The following CIAO2A variants were observed in gnomAD, a reference collection of about 807,000 sequenced individuals.
CIAO2A encodes the protein MIP18 family protein FAM96A.
In CIAO2A, 17 loss-of-function variants were observed where a neutral mutation model predicts 22.4. The ratio of observed to expected loss-of-function variants is 0.76; its 90% confidence interval spans 0.52 to 1.14. The LOEUF (loss-of-function observed/expected upper bound fraction) is 1.14, where lower values mean the gene tolerates loss of function less well. Ranked by LOEUF, CIAO2A falls within the 50% of genes most tolerant of loss-of-function variation. The probability of loss-of-function intolerance (pLI) is 0.00; values close to 1 mark genes in which losing one functional copy is unlikely to be tolerated. For synonymous variants in CIAO2A, 74 were observed against 72.3 expected (o/e 1.02, Z -0.12); for missense variants, 192 against 191.4 (o/e 1.00, Z -0.02).
intron 3 of CIAO2A, among the ~76,000 whole-genome samples, chr15:64,076,855 C>A (rs1158694125): frequency 6.6e-6 from 1 of 151,742 alleles, no homozygotes; most frequent in African/African-American, 2.4e-5. Flanking sequence ...TCCCACACTC[C>A]CACCCCTCTC....
chr15:64,082,931 GTGGCTCA>G (rs1474378230), intron 2 of CIAO2A, among the ~76,000 whole-genome samples: 1 of 152,088 alleles, frequency 6.6e-6, no homozygotes, highest in African/African-American at 2.4e-5. Flanking sequence ...GCTGGGCAAG[GTGGCTCA>G]TGCCTGTAAT....
chr15:64,072,932 C>G lies in CIAO2A; in HGVS notation c.482G>C (p.Ter161SerextTer1). 1 of 1,603,712 alleles carries G rather than the reference C, an allele frequency of 6.2e-7. No homozygotes were observed. Among genetic ancestry groups the G allele is most frequent in the Non-Finnish European group, 8.5e-7 (1 of 1,171,434 alleles). The stretch of plus-strand genomic sequence containing the variant: ...GGCCAGTGGCTCTTAAAACAGCTAT[C>G]AGTCAGGTTCAAGGACACACTGTTC... ...IVEQCVLEPD[*>S] Residue 161 changes from the stop codon to serine, a stop_lost, in exon 5 of 5, where the codon TGA (stop) becomes TCA (serine). Coordinates refer to ENST00000300030, the MANE Select transcript of CIAO2A (RefSeq NM_032231.7).
intron 1 of CIAO2A, among the ~76,000 whole-genome samples, chr15:64,089,647 C>T (rs77522123): frequency 0.044 from 6,714 of 152,218 alleles, 165 homozygotes; most frequent in South Asian, 0.081. Flanking sequence ...AGCCAGCTAC[C>T]GGCAATAGCA....
intron 1 of CIAO2A, chr15:64,090,251 G>C (rs2080829904): frequency 5.9e-6 from 1 of 169,646 alleles, no homozygotes; most frequent in South Asian, 1.1e-4. Context: ...ACTGAGGCAG[G>C]AGAATCACTT....
chr15:64,082,570 G>C (rs1040035013), intron 2 of CIAO2A, among the ~76,000 whole-genome samples: 1 of 152,078 alleles, frequency 6.6e-6, no homozygotes, highest in Non-Finnish European at 1.5e-5. Context: ...AAATATTAGA[G>C]AATTCTAAAG....
chr15:64,091,547 G>A (rs1220687016), intron 1 of CIAO2A, among the ~76,000 whole-genome samples: 1 of 151,758 alleles, frequency 6.6e-6, no homozygotes, highest in Non-Finnish European at 1.5e-5. Context: ...AGTCGACAAA[G>A]CTTCTCTTTC....
At chr15:64,088,370 A>C (rs1296712486) in intron 2 of CIAO2A, among the ~76,000 whole-genome samples, 3 of 152,196 alleles carry the variant, frequency 2.0e-5, no homozygotes, top group African/African-American at 4.8e-5. Flanking sequence ...ACATAACTAA[A>C]GGAGAAGTGG....
chr15:64,075,831 T>C (rs77833040), intron 3 of CIAO2A, among the ~76,000 whole-genome samples: 39 of 145,330 alleles, frequency 2.7e-4, no homozygotes, highest in Admixed American at 6.9e-4. Context: ...TGTATTATTA[T>C]TTTTTTTTTT....
At chr15:64,082,668 C>G (rs988229094) in intron 2 of CIAO2A, among the ~76,000 whole-genome samples, 1 of 152,196 alleles carries the variant, frequency 6.6e-6, no homozygotes, top group Admixed American at 6.5e-5. Context: ...CTGGCCCCAC[C>G]ATTGTCTCCT....
chr15:64,089,815 A>G (rs576281591), intron 1 of CIAO2A, among the ~76,000 whole-genome samples: 93 of 152,362 alleles, frequency 6.1e-4, no homozygotes, highest in African/African-American at 2.2e-3. Context: ...TGGCAGAACT[A>G]AAAGAAACAG....
At chr15:64,087,408 T>C (rs2080806516) in intron 2 of CIAO2A, among the ~76,000 whole-genome samples, 1 of 152,024 alleles carries the variant, frequency 6.6e-6, no homozygotes, top group Non-Finnish European at 1.5e-5. Context: ...GTATTTTTTT[T>C]AGTGGAGATG....
rs1424826207 is a variant in CIAO2A, at chr15:64,081,103, T to G, written c.338A>C (p.Lys113Thr). 1 of 1,612,896 alleles carries G rather than the reference T, an allele frequency of 6.2e-7. No homozygotes were observed. Among genetic ancestry groups the G allele is most frequent in the Admixed American group, 1.7e-5 (1 of 59,774 alleles). ...KLQRCLPFKHKLEIYISEGTH... is the reference protein window; with the variant it reads ...KLQRCLPFKHTLEIYISEGTH... ...ACAACAAAAATACATCTTTCTTACC[T>G]TATGTTTAAATGGTAAACATCGCTG... Residue 113 changes from lysine (K) to threonine (T), a missense_variant and splice_region_variant, in exon 3 of 5, where the codon AAG (lysine) becomes ACG (threonine). Transcript: ENST00000300030.
chr15:64,082,169 A>G (rs1010832843), intron 2 of CIAO2A, among the ~76,000 whole-genome samples: 3 of 152,218 alleles, frequency 2.0e-5, no homozygotes, highest in Admixed American at 6.5e-5. Flanking sequence ...GAAAAATCCC[A>G]AAACAGGGAA....
chr15:64,079,140 TA>T lies in CIAO2A; in HGVS notation c.339+1961del, dbSNP rs376406917. ...AGTATGGAAAGGTGAATACAAAAAA[TA>T]AAAAAAAAAATTTAAAAGATAAATA... On this transcript the variant is annotated intron_variant, in intron 3 of 4. Coordinates refer to ENST00000300030, the MANE Select transcript of CIAO2A (RefSeq NM_032231.7). Among the ~76,000 whole-genome samples the T allele has an allele frequency of 1.1e-3, 154 of 141,688 alleles. 2 individuals are homozygous for T. In the East Asian group the frequency reaches 0.016, roughly 15 times the overall value. The allele number at this position is 141,688 out of a possible 152,430, so 93.0% of individuals were successfully genotyped here. A position where few individuals can be genotyped will look rare whatever the true frequency, so the allele number is the denominator to read the frequency against.
intron 3 of CIAO2A, among the ~76,000 whole-genome samples, chr15:64,076,018 TAA>T (rs928770187): frequency 2.1e-5 from 3 of 142,266 alleles, no homozygotes; most frequent in African/African-American, 2.6e-5. Flanking sequence ...CATCCTTCTC[TAA>T]AAAAAAAAAG....
chr15:64,073,060 G>A (rs755597026), intron 4 of CIAO2A, 32 bp from the exon 5 acceptor site: 72 of 1,470,906 alleles, frequency 4.9e-5, no homozygotes, highest in South Asian at 1.0e-4. Context: ...GTTAGCAGAA[G>A]AACTGTGTCA....
Position 64,093,494 on chromosome 15 carries a change from C to A in CIAO2A, c.124+151G>T, listed in dbSNP as rs947794189. 5 of 912,290 alleles carry A rather than the reference C, an allele frequency of 5.5e-6. No homozygotes were observed. The Admixed American group carries it at 8.4e-5, about 15-fold the overall frequency. The allele number at this position is 912,290 out of a possible 1,614,324, so 56.5% of individuals were successfully genotyped here. A position where few individuals can be genotyped will look rare whatever the true frequency, so the allele number is the denominator to read the frequency against. On this transcript the variant is annotated intron_variant, in intron 1 of 4. Transcript: ENST00000300030. Reference sequence around the variant, plus strand: ...GACCCCGAAGAAAGCGCCTGCTACGCCCCGGACAAGATCTGGCCAAAAACA... The same window carrying A: ...GACCCCGAAGAAAGCGCCTGCTACGACCCGGACAAGATCTGGCCAAAAACA...
At chr15:64,092,131 T>C (rs541770140) in intron 1 of CIAO2A, among the ~76,000 whole-genome samples, 12 of 152,058 alleles carry the variant, frequency 7.9e-5, no homozygotes, top group African/African-American at 2.4e-4. Flanking sequence ...ACACTAACAT[T>C]CTTCCACAGC....
chr15:64,081,867 C>A (rs2080761519), intron 2 of CIAO2A, among the ~76,000 whole-genome samples: 1 of 152,030 alleles, frequency 6.6e-6, no homozygotes, highest in Admixed American at 6.6e-5. Flanking sequence ...AAATGCCCCA[C>A]AACAGGCCAG....
Sources: gnomAD v4.1 joint callset for allele counts (sites outside exome capture counted in the v4.1 genomes callset) on GRCh38, gnomAD v4.1.1 for gene constraint, MANE v1.5 for transcripts, NCBI Gene and HGNC (gene_info 2026-07-23, HGNC 2026-07-21) for gene names.